The following ODAD4 variants were observed in gnomAD, a reference collection of about 807,000 sequenced individuals.
ODAD4 encodes the protein outer dynein arm docking complex subunit 4.
A neutral mutation model predicts 51.8 loss-of-function variants in ODAD4; 49 were observed. The ratio of observed to expected loss-of-function variants is 0.95; its 90% CI spans 0.75 to 1.20. The LOEUF (loss-of-function observed/expected upper bound fraction) is 1.20, where lower values mean the gene tolerates loss of function less well. Among genes scored for constraint, ODAD4 ranks in the 50% most tolerant of loss-of-function variants. The pLI is 0.00. For missense variants in ODAD4, 590 were observed against 586.5 expected (o/e 1.01, Z -0.06); for synonymous variants, 235 against 221.3 (o/e 1.06, Z -0.55).
intron 8 of ODAD4, 173 bp downstream of exon 8, chr17:41,945,395 C>T: frequency 1.7e-6 from 1 of 604,078 alleles, no homozygotes; most frequent in Admixed American, 3.0e-5. Context: ...GCCTGTGGTC[C>T]CAGCTACTTG....
rs1395664149 is a variant in ODAD4 at position 41,965,732 on chromosome 17, AGAAAG to A, written c.*251_*255del. 4 of 442,222 alleles carry A rather than the reference AGAAAG, an allele frequency of 9.0e-6. No individual in the cohort carries two copies. Among genetic ancestry groups the A allele is most frequent in the South Asian group, 2.6e-5 (1 of 39,110 alleles). 27.4% of individuals were successfully genotyped at this position (442,222 alleles called of 1,614,324 possible). On this transcript the variant is annotated 3_prime_UTR_variant, in exon 12 of 12. Coordinates refer to ENST00000377540, the MANE Select transcript of ODAD4 (RefSeq NM_031421.5). ...GGAAGAAATGAGAAAGGTGCCAAGAAGAAAGGGTTTCAGGAGGGTGAAGATACGGG... is the reference window on the plus strand; with the variant it reads ...GGAAGAAATGAGAAAGGTGCCAAGAAGGTTTCAGGAGGGTGAAGATACGGG...
chr17:41,960,886 C>T (rs1171272891), intron 10 of ODAD4, among the ~76,000 whole-genome samples: 2 of 152,188 alleles, frequency 1.3e-5, no homozygotes, highest in African/African-American at 4.8e-5. Flanking sequence ...CCTCCAGAGG[C>T]TCACAGGGGC....
chr17:41,962,764 G>T (rs1391300550), intron 11 of ODAD4, among the ~76,000 whole-genome samples: 1 of 152,224 alleles, frequency 6.6e-6, no homozygotes, highest in Admixed American at 6.5e-5. Flanking sequence ...GCCCCAGTCT[G>T]TGGAGCTCTC....
Position 41,950,158 on chromosome 17 carries a change from C to T in ODAD4, c.1342+809C>T, listed in dbSNP as rs1420270341. Among the ~76,000 whole-genome samples the T allele has an allele frequency of 1.5e-3, 235 of 151,926 alleles. 1 individual carries two copies. Among genetic ancestry groups the T allele is most frequent in the South Asian group, 2.7e-3 (13 of 4,816 alleles). Reference sequence around the variant, plus strand: ...CTAATTTTTGTATTTTTAGTAGAGACGGGGTTTCACCACGTTGGCCAGGCT... The same window carrying T: ...CTAATTTTTGTATTTTTAGTAGAGATGGGGTTTCACCACGTTGGCCAGGCT... On this transcript the variant is annotated intron_variant, in intron 9 of 11. Coordinates refer to ENST00000377540, the MANE Select transcript of ODAD4 (RefSeq NM_031421.5).
intron 8 of ODAD4, among the ~76,000 whole-genome samples, chr17:41,945,699 G>A (rs1196200205): frequency 6.6e-6 from 1 of 151,998 alleles, no homozygotes; most frequent in East Asian, 1.9e-4. Context: ...AGGAGTTCGA[G>A]ACCAGCCTGG....
intron 7 of ODAD4, among the ~76,000 whole-genome samples, chr17:41,944,691 G>A (rs1555639261): frequency 6.6e-6 from 1 of 151,806 alleles, no homozygotes; most frequent in African/African-American, 2.4e-5. Flanking sequence ...CTCAGGGGCT[G>A]AGGCAGGAGA....
chr17:41,961,238 G>C, intron 10 of ODAD4, 144 bp from the exon 11 acceptor site: 1 of 610,834 alleles, frequency 1.6e-6, no homozygotes, highest in Non-Finnish European at 2.9e-6. Flanking sequence ...ATTAACCTGA[G>C]GGTAGGGGTC....
chr17:41,965,618 T>G lies in ODAD4; in HGVS notation c.*135T>G. The G allele has an allele frequency of 1.6e-6, 1 of 606,568 alleles. No individual in the cohort carries two copies. The highest frequency in any genetic ancestry group is 2.9e-6 in the Non-Finnish European group (1 of 343,432). The allele number at this position is 606,568 out of a possible 1,614,324, so 37.6% of individuals were successfully genotyped here. A position where few individuals can be genotyped will look rare whatever the true frequency, so the allele number is the denominator to read the frequency against. The stretch of plus-strand genomic sequence containing the variant: ...ACTTCTGCTGCTTTCCATCACTATT[T>G]TGCCATTAAATAGGTGTCTTTCACT... On this transcript the variant is annotated 3_prime_UTR_variant, in exon 12 of 12. Transcript: ENST00000377540.
intron 1 of ODAD4, among the ~76,000 whole-genome samples, chr17:41,933,114 C>T (rs375502790): frequency 7.2e-5 from 11 of 152,152 alleles, no homozygotes; most frequent in African/African-American, 2.6e-4. Context: ...TTATTCTCCT[C>T]CTGCTGGATC....
At chr17:41,950,569 T>C (rs931610469) in intron 9 of ODAD4, among the ~76,000 whole-genome samples, 134,122 of 151,892 alleles carry the variant, frequency 0.88, 59,581 homozygotes, top group East Asian at 1. Context: ...TTTTTAGAGA[T>C]GCAGTTTCAC....
chr17:41,934,342 C>T (rs557832928), intron 1 of ODAD4, among the ~76,000 whole-genome samples: 3 of 149,216 alleles, frequency 2.0e-5, no homozygotes, highest in African/African-American at 7.4e-5. Flanking sequence ...CACCCGGCCT[C>T]TTTTTGTTTT....
chr17:41,941,560 G>A (rs1008785044), intron 7 of ODAD4, among the ~76,000 whole-genome samples: 1 of 152,074 alleles, frequency 6.6e-6, no homozygotes, highest in African/African-American at 2.4e-5. Flanking sequence ...TCAGGAGATC[G>A]AGACCATCCT....
At chr17:41,962,115 C>T (rs782335577) in intron 11 of ODAD4, among the ~76,000 whole-genome samples, 2 of 152,168 alleles carry the variant, frequency 1.3e-5, no homozygotes, top group South Asian at 2.1e-4. Context: ...CTGGGTTAAG[C>T]ACCAGACAGG....
intron 1 of ODAD4, among the ~76,000 whole-genome samples, chr17:41,934,650 C>G (rs1398756003): frequency 1.3e-5 from 2 of 152,118 alleles, no homozygotes; most frequent in Admixed American, 6.6e-5. Flanking sequence ...CCACTCCCAG[C>G]CTTTTCCTGG....
rs573006474 is a variant in ODAD4 at position 41,946,748 on chromosome 17, CT to C, written c.1145+1527del. On this transcript the variant is annotated intron_variant, in intron 8 of 11. Coordinates refer to ENST00000377540, the MANE Select transcript of ODAD4 (RefSeq NM_031421.5). ...CTGGAGTGCAGAGGCGTGATCTCAG[CT>C]CATGGCAACCTCCACCTTCCAGGTT... Among the ~76,000 whole-genome samples the C allele has an allele frequency of 1.4e-4, 21 of 152,356 alleles. No homozygotes were observed. The South Asian group carries it at 4.3e-3, about 32-fold the overall frequency.
intron 7 of ODAD4, among the ~76,000 whole-genome samples, chr17:41,944,425 CACACACACACA>C (rs2050552601): frequency 1.2e-4 from 1 of 8,428 alleles, no homozygotes; most frequent in African/African-American, 1.8e-4. Flanking sequence ...CACACACACA[CACACACACACA>C]CACACACACC....
chr17:41,939,961 G>T (rs1307467116), intron 7 of ODAD4, among the ~76,000 whole-genome samples: 1 of 152,156 alleles, frequency 6.6e-6, no homozygotes, highest in Non-Finnish European at 1.5e-5. Flanking sequence ...AAATACAGAA[G>T]TACCTGTGCA....
In ODAD4 at chr17:41,960,671, G is replaced by T. The variant is rs145471463; in HGVS notation, c.1444-711G>T. Among the ~76,000 whole-genome samples the T allele has an allele frequency of 5.3e-5, 8 of 152,290 alleles. No individual in the cohort carries two copies. The East Asian group carries it at 1.5e-3, about 29-fold the overall frequency. Reference sequence around the variant, plus strand: ...TGTGACCCTCACTGACTCCTCATGGGACCAGGCCCCCGACCCCTCACCCTC... The same window carrying T: ...TGTGACCCTCACTGACTCCTCATGGTACCAGGCCCCCGACCCCTCACCCTC... On this transcript the variant is annotated intron_variant, in intron 10 of 11. Transcript: ENST00000377540.
intron 9 of ODAD4, among the ~76,000 whole-genome samples, chr17:41,954,775 G>C (rs2050705280): frequency 6.6e-6 from 1 of 151,450 alleles, no homozygotes; most frequent in African/African-American, 2.4e-5. Context: ...GCTTGAACCT[G>C]GGAGGCAGAG....
Sources: allele counts gnomAD v4.1 joint callset (sites outside exome capture counted in the v4.1 genomes callset), GRCh38; gene constraint gnomAD v4.1.1; transcripts MANE v1.5; gene names NCBI Gene and HGNC (gene_info 2026-07-23, HGNC 2026-07-21).